The following SERPINF1 variants were observed in gnomAD, a reference collection of about 807,000 sequenced individuals.
The protein encoded by SERPINF1 is serpin family F member 1.
SERPINF1 carries 29 observed loss-of-function variants against 37.3 expected under a neutral mutation model. That is an observed-to-expected ratio of 0.78 (90% CI 0.58 to 1.06). The LOEUF (loss-of-function observed/expected upper bound fraction) is 1.06, where lower values mean the gene tolerates loss of function less well. Among genes scored for constraint, SERPINF1 ranks in the 50% least tolerant of loss-of-function variants. SERPINF1 has a pLI of 0.00. For missense variants in SERPINF1, 553 were observed against 532.2 expected (o/e 1.04, Z -0.38); for synonymous variants, 281 against 227.9 (o/e 1.23, Z -2.10).
At chr17:1,775,554 T>C (rs1268192477) in intron 6 of SERPINF1, among the ~76,000 whole-genome samples, 1 of 151,954 alleles carries the variant, frequency 6.6e-6, no homozygotes, top group East Asian at 1.9e-4. Context: ...CATCTTTTTT[T>C]TTTTTTTTGA....
At chr17:1,770,393 C>A in intron 3 of SERPINF1, 1 of 433,780 alleles carries the variant, frequency 2.3e-6, no homozygotes, top group Non-Finnish European at 4.2e-6. Flanking sequence ...TGGGCTTGCC[C>A]TCACCGAGGA....
chr17:1,773,427 G>A (rs2151210312), intron 5 of SERPINF1, among the ~76,000 whole-genome samples: 1 of 152,156 alleles, frequency 6.6e-6, no homozygotes, highest in East Asian at 1.9e-4. Flanking sequence ...TGTATTTTCA[G>A]TAGAGATGGG....
In SERPINF1 at chr17:1,771,050, C is replaced by T; in HGVS notation, c.305C>T (p.Ser102Phe). The T allele has an allele frequency of 1.9e-6, 3 of 1,614,062 alleles. No individual in the cohort carries two copies. The highest frequency in any genetic ancestry group is 2.7e-5 in the African/African-American group (2 of 75,032). Residue 102 changes from serine to phenylalanine, a missense_variant, in exon 4 of 8, where the codon TCC (serine) becomes TTC (phenylalanine). Transcript: ENST00000254722. ...LSLGAEQRTE[S>F]IIHRALYYDL... is the part of the protein sequence containing the mutation. Reference sequence around the variant, plus strand: ...GCAGGAGCGGAGCAGCGAACAGAATCCATCATTCACCGGGCTCTCTACTAT... The same window carrying T: ...GCAGGAGCGGAGCAGCGAACAGAATTCATCATTCACCGGGCTCTCTACTAT...
intron 7 of SERPINF1, 109 bp from the exon 8 acceptor site, chr17:1,777,078 A>C (rs1173253625): frequency 1.9e-6 from 3 of 1,564,966 alleles, no homozygotes; most frequent in Non-Finnish European, 1.8e-6. Context: ...TTCAGGCCTC[A>C]GAGAAAGTCA....
intron 6 of SERPINF1, 34 bp downstream of exon 6, chr17:1,775,234 TG>T (rs756739853): frequency 5.0e-6 from 8 of 1,601,042 alleles, no homozygotes; most frequent in East Asian, 4.5e-5. Flanking sequence ...GGGGGGTGGA[TG>T]GAGGGAGAGG....
Position 1,769,989 on chromosome 17 carries a change from C to CACGACCA in SERPINF1, c.226_232dup (p.Val78AspfsTer36). The CACGACCA allele has an allele frequency of 6.2e-7, 1 of 1,614,152 alleles. No individual in the cohort carries two copies. The highest frequency in any genetic ancestry group is 8.5e-7 in the Non-Finnish European group (1 of 1,179,980). On this transcript the variant is annotated frameshift_variant, in exon 3 of 8. Transcript: ENST00000254722. LOFTEE classifies it high-confidence loss of function. Reference sequence around the variant, plus strand: ...ACCGGGTGCGATCCAGCACGAGCCCCACGACCAACGTGCTCCTGTCTCCTC... The same window carrying CACGACCA: ...ACCGGGTGCGATCCAGCACGAGCCCCACGACCAACGACCAACGTGCTCCTGTCTCCTC...
intron 4 of SERPINF1, among the ~76,000 whole-genome samples, 198 bp downstream of exon 4, chr17:1,771,382 G>A (rs960004611): frequency 1.3e-5 from 2 of 151,796 alleles, no homozygotes; most frequent in Non-Finnish European, 2.9e-5. Flanking sequence ...CCGAGTAGCT[G>A]GGACTGCAGG....
chr17:1,771,736 C>A, intron 4 of SERPINF1, 136 bp from the exon 5 acceptor site: 1 of 828,562 alleles, frequency 1.2e-6, no homozygotes, highest in Non-Finnish European at 2.0e-6. Context: ...GAAGTCCTGG[C>A]AAGTCACAGG....
chr17:1,765,205 C>G (rs1056359163), intron 1 of SERPINF1, among the ~76,000 whole-genome samples: 2 of 145,858 alleles, frequency 1.4e-5, no homozygotes, highest in Non-Finnish European at 3.0e-5. Flanking sequence ...TGCAGTGGTG[C>G]GATCTTGGCT....
At chr17:1,764,034 T>G (rs1057383067) in intron 1 of SERPINF1, among the ~76,000 whole-genome samples, 7 of 152,134 alleles carry the variant, frequency 4.6e-5, no homozygotes, top group African/African-American at 1.4e-4. Flanking sequence ...ACATAAAAAT[T>G]AACCAGGTGT....
intron 1 of SERPINF1, chr17:1,762,890 C>G (rs1357540872): frequency 6.6e-6 from 1 of 152,364 alleles, no homozygotes; most frequent in Non-Finnish European, 1.5e-5. Context: ...AGGGGTAGGT[C>G]TCAGCAGGAT....
At chr17:1,764,797 G>A (rs552336356) in intron 1 of SERPINF1, among the ~76,000 whole-genome samples, 2 of 152,116 alleles carry the variant, frequency 1.3e-5, no homozygotes, top group Admixed American at 1.3e-4. Context: ...ATGTGTTGGG[G>A]GCCAGGGCAG....
Position 1,766,904 on chromosome 17 carries a change from C to A in SERPINF1, c.-7C>A, listed in dbSNP as rs1907415117. On this transcript the variant is annotated splice_region_variant and 5_prime_UTR_variant, in exon 2 of 8. Coordinates refer to ENST00000254722, the MANE Select transcript of SERPINF1 (RefSeq NM_002615.7). ...TGCTGCCTCGTTCTTTTCTTGCAGG[C>A]CCCAGGATGCAGGCCCTGGTGCTAC... 1 of 1,556,036 alleles carries A rather than the reference C, an allele frequency of 6.4e-7. No homozygotes were observed. Among genetic ancestry groups the A allele is most frequent in the Non-Finnish European group, 8.7e-7 (1 of 1,149,648 alleles).
Position 1,775,101 on chromosome 17 carries a change from G to C in SERPINF1, c.687G>C (p.Glu229Asp), listed in dbSNP as rs1452118117. The C allele has an allele frequency of 4.3e-6, 7 of 1,613,966 alleles. No homozygotes were observed. The Admixed American group carries it at 5.0e-5, about 12-fold the overall frequency. The change falls in exon 6 of 8, where the codon GAG (glutamate) becomes GAC (aspartate). Residue 229 changes from glutamate to aspartate, a missense_variant. Transcript: ENST00000254722. Reference sequence around the variant, plus strand: ...TTGACTCCAGAAAGACTTCCCTCGAGGATTTCTACTTGGATGAAGAGAGGA... The same window carrying C: ...TTGACTCCAGAAAGACTTCCCTCGACGATTTCTACTTGGATGAAGAGAGGA... ...TKFDSRKTSL[E>D]DFYLDEERTV...
At chr17:1,764,728 A>C (rs897707505) in intron 1 of SERPINF1, among the ~76,000 whole-genome samples, 1 of 152,202 alleles carries the variant, frequency 6.6e-6, no homozygotes, top group Non-Finnish European at 1.5e-5. Flanking sequence ...CTGGGAAGTC[A>C]AAAAGTGTGT....
At chr17:1,769,582 C>T (rs895950087) in intron 2 of SERPINF1, 2 of 515,798 alleles carry the variant, frequency 3.9e-6, no homozygotes, top group African/African-American at 1.9e-5. Context: ...TGAGATCGCG[C>T]CACTGAACTC....
intron 1 of SERPINF1, among the ~76,000 whole-genome samples, chr17:1,764,884 C>T (rs1182521993): frequency 1.3e-4 from 19 of 141,326 alleles, no homozygotes; most frequent in Non-Finnish European, 2.4e-4. Flanking sequence ...TGCTCTGTTG[C>T]CCAGCCTGGA....
intron 1 of SERPINF1, among the ~76,000 whole-genome samples, chr17:1,765,539 C>G (rs529610407): frequency 1.3e-5 from 2 of 151,980 alleles, no homozygotes; most frequent in Non-Finnish European, 2.9e-5. Context: ...CCAGGCTGGT[C>G]TCGAACTCCT....
Position 1,770,194 on chromosome 17 carries a change from G to A in SERPINF1, c.283+144G>A, listed in dbSNP as rs372131395. ...GGCCTGGCCTGGGGGTCCCAGCTGT[G>A]TAAGCAGGAGCTCAGGGGCTGCACA... On this transcript the variant is annotated intron_variant, in intron 3 of 7. Coordinates refer to ENST00000254722, the MANE Select transcript of SERPINF1 (RefSeq NM_002615.7). The A allele has an allele frequency of 4.6e-6, 4 of 866,894 alleles. No homozygotes were observed. In the South Asian group the frequency reaches 6.1e-5, roughly 13 times the overall value. The allele number at this position is 866,894 out of a possible 1,614,324, so 53.7% of individuals were successfully genotyped here.
Sources: gnomAD v4.1 joint callset for allele counts (sites outside exome capture counted in the v4.1 genomes callset) on GRCh38, gnomAD v4.1.1 for gene constraint, MANE v1.5 for transcripts, NCBI Gene and HGNC (gene_info 2026-07-23, HGNC 2026-07-21) for gene names.